Variants in ANKS1B observed in about 807,000 individuals in gnomAD.
ANKS1B encodes the protein ankyrin repeat and sterile alpha motif domain containing 1B.
Under a neutral mutation model 148.3 loss-of-function variants are expected in ANKS1B, and 36 were observed. The ratio of observed to expected loss-of-function variants is 0.24; its 90% CI spans 0.19 to 0.32. The LOEUF (loss-of-function observed/expected upper bound fraction) is 0.32, where lower values mean the gene tolerates loss of function less well. Ranked by LOEUF, ANKS1B falls within the 10% of genes least tolerant of loss-of-function variation. ANKS1B has a pLI of 1.00. For synonymous variants in ANKS1B, 542 were observed against 560.8 expected (o/e 0.97, Z 0.47); for missense variants, 1,157 against 1,542.6 (o/e 0.75, Z 4.19).
downstream of ANKS1B, among the ~76,000 whole-genome samples, chr12:98,742,768 T>C (rs2097811240): frequency 6.6e-6 from 1 of 152,236 alleles, no homozygotes; most frequent in Non-Finnish European, 1.5e-5. Context: ...AGCAGGACTC[T>C]GTTGCTGGGG....
intron 15 of ANKS1B, among the ~76,000 whole-genome samples, chr12:99,117,534 C>T (rs909421989): frequency 6.6e-6 from 1 of 152,120 alleles, no homozygotes; most frequent in Non-Finnish European, 1.5e-5. Flanking sequence ...ACCTTGCATC[C>T]TAGGGAGGAA....
chr12:99,486,219 T>C (rs1018835552), intron 10 of ANKS1B, among the ~76,000 whole-genome samples: 1 of 152,082 alleles, frequency 6.6e-6, no homozygotes. Context: ...TATTCCTTTT[T>C]TCCCCTAAAA....
chr12:99,323,988 G>A (rs1037160050), intron 12 of ANKS1B, among the ~76,000 whole-genome samples: 1 of 152,034 alleles, frequency 6.6e-6, no homozygotes, highest in Non-Finnish European at 1.5e-5. Context: ...GCACCAGTAT[G>A]ATTTTGCAAT....
intron 14 of ANKS1B, among the ~76,000 whole-genome samples, chr12:99,231,517 G>A (rs561884201): frequency 1.3e-5 from 2 of 152,184 alleles, no homozygotes; most frequent in South Asian, 2.1e-4. Context: ...ATACTTCACT[G>A]AGTGAGTTGT....
chr12:99,041,106 T>G (rs1265226016), intron 17 of ANKS1B, among the ~76,000 whole-genome samples: 1 of 152,052 alleles, frequency 6.6e-6, no homozygotes, highest in African/African-American at 2.4e-5. Context: ...AACATAACAC[T>G]GGGGAAAGGA....
At chr12:98,840,089 T>C (rs1249125474) in intron 17 of ANKS1B, among the ~76,000 whole-genome samples, 2 of 152,102 alleles carry the variant, frequency 1.3e-5, no homozygotes, top group African/African-American at 4.8e-5. Flanking sequence ...GGACAACAAA[T>C]GAAGCAGGGG....
At chr12:99,379,615 G>A (rs1480316317) in intron 12 of ANKS1B, among the ~76,000 whole-genome samples, 4 of 152,294 alleles carry the variant, frequency 2.6e-5, no homozygotes, top group South Asian at 4.1e-4. Context: ...CTTGTTGAGT[G>A]AAGAAAATTG....
chr12:98,894,991 A>G lies in ANKS1B; in HGVS notation c.2779-62855T>C, dbSNP rs1174921350. On this transcript the variant is annotated intron_variant, in intron 17 of 26. Coordinates refer to ENST00000683438, the MANE Select transcript of ANKS1B (RefSeq NM_001352186.2). ...CGCGGCGCGCGCCTGCCCTGGCGGC[A>G]GCGGCGGCGGCGGCGGCGCGTCCTC... 8.6e-4 allele frequency: 615 copies of G among 716,164 alleles called. 5 individuals carry two copies. The African/African-American group carries it at 0.01, about 12-fold the overall frequency. 44.4% of individuals were successfully genotyped at this position (716,164 alleles called of 1,614,324 possible). A position where few individuals can be genotyped will look rare whatever the true frequency, so the allele number is the denominator to read the frequency against.
chr12:99,593,535 G>T (rs1398652637), intron 9 of ANKS1B, among the ~76,000 whole-genome samples: 1 of 151,938 alleles, frequency 6.6e-6, no homozygotes, highest in African/African-American at 2.4e-5. Context: ...TAATGTTAAG[G>T]TACATAAGAA....
rs553843901 is a variant in ANKS1B at position 99,178,863 on chromosome 12, G to A, written c.2420-24468C>T. On this transcript the variant is annotated intron_variant, in intron 14 of 26. Transcript: ENST00000683438. ...TCATAAAATCTTATCGAGGTCAAAT[G>A]CTAGCCCAGTTGTTGATCCAAAACC... Among the ~76,000 whole-genome samples, 8 of 152,248 alleles carry A rather than the reference G, an allele frequency of 5.3e-5. No individual in the cohort carries two copies. The East Asian group carries it at 1.5e-3, about 29-fold the overall frequency.
At chr12:98,918,158 G>A (rs1031751742) in intron 17 of ANKS1B, among the ~76,000 whole-genome samples, 2 of 152,230 alleles carry the variant, frequency 1.3e-5, no homozygotes, top group Non-Finnish European at 2.9e-5. Context: ...TGGGCTGGGT[G>A]ATATACCCCT....
intron 25 of ANKS1B, among the ~76,000 whole-genome samples, chr12:98,756,736 T>A (rs1180847732): frequency 6.6e-6 from 1 of 150,646 alleles, no homozygotes. Flanking sequence ...TCTTTTTTTT[T>A]TTTTTTTTGA....
At chr12:99,540,934 C>A (rs953814410) in intron 9 of ANKS1B, among the ~76,000 whole-genome samples, 3 of 151,392 alleles carry the variant, frequency 2.0e-5, no homozygotes, top group Non-Finnish European at 4.4e-5. Context: ...TTACTAAAAT[C>A]AGGAATGAAA....
intron 9 of ANKS1B, among the ~76,000 whole-genome samples, chr12:99,614,847 G>A (rs1363940648): frequency 6.6e-6 from 1 of 151,056 alleles, no homozygotes; most frequent in African/African-American, 2.4e-5. Flanking sequence ...AATTCAAAGA[G>A]AGTGAAAATA....
chr12:99,542,835 ACT>A (rs1167246966), intron 9 of ANKS1B, among the ~76,000 whole-genome samples: 3 of 152,124 alleles, frequency 2.0e-5, no homozygotes, highest in Non-Finnish European at 4.4e-5. Flanking sequence ...ACAAAAATGA[ACT>A]CAAAATGAAT....
At chr12:99,981,367 G>A (rs1566135097) in intron 1 of ANKS1B, among the ~76,000 whole-genome samples, 1 of 152,026 alleles carries the variant, frequency 6.6e-6, no homozygotes, top group Non-Finnish European at 1.5e-5. Context: ...CATAGTTACT[G>A]TTGAAAGGAT....
intron 15 of ANKS1B, among the ~76,000 whole-genome samples, chr12:99,127,814 T>C (rs2064857100): frequency 6.6e-6 from 1 of 152,250 alleles, no homozygotes; most frequent in Non-Finnish European, 1.5e-5. Context: ...AGAATTTCTG[T>C]TTTGATTGCA....
intron 9 of ANKS1B, among the ~76,000 whole-genome samples, chr12:99,509,488 AG>A (rs1178314675): frequency 1.8e-4 from 27 of 152,062 alleles, no homozygotes; most frequent in Non-Finnish European, 3.7e-4. Flanking sequence ...TGGTCTGGAT[AG>A]AAGATCACAC....
In ANKS1B at chr12:99,209,761, C is replaced by T. The variant is rs2083112304; in HGVS notation, c.2419+34581G>A. Among the ~76,000 whole-genome samples the T allele has an allele frequency of 1.3e-5, 2 of 152,130 alleles. 1 individual carries two copies. The highest frequency in any genetic ancestry group is 3.9e-4 in the East Asian group (2 of 5,192). On this transcript the variant is annotated intron_variant, in intron 14 of 26. Transcript: ENST00000683438. Reference sequence around the variant, plus strand: ...CACCTTGATCAAAAACTGCCTAAATCCAAAGGACATCAGCCTAATGGCTAA... The same window carrying T: ...CACCTTGATCAAAAACTGCCTAAATTCAAAGGACATCAGCCTAATGGCTAA...
Sources: allele counts gnomAD v4.1 joint callset (sites outside exome capture counted in the v4.1 genomes callset), GRCh38; gene constraint gnomAD v4.1.1; transcripts MANE v1.5; gene names NCBI Gene and HGNC (gene_info 2026-07-23, HGNC 2026-07-21).